The following CCDC88A variants were observed in gnomAD, a reference collection of about 807,000 sequenced individuals.
CCDC88A encodes the protein coiled-coil and HOOK domain protein 88A.
Under a neutral mutation model 234.3 loss-of-function variants are expected in CCDC88A, and 54 were observed. The ratio of observed to expected loss-of-function variants is 0.23; its 90% CI spans 0.19 to 0.29. The LOEUF is 0.29. Among genes scored for constraint, CCDC88A ranks in the 10% least tolerant of loss-of-function variants. The pLI is 1.00. For synonymous variants in CCDC88A, 753 were observed against 737.8 expected, an observed-to-expected ratio of 1.02 and a Z score of -0.33; for missense variants, 1,832 against 2,123.4, an observed-to-expected ratio of 0.86 and a Z score of 2.70.
At chr2:55,386,632 T>C (rs956862823) in intron 3 of CCDC88A, among the ~76,000 whole-genome samples, 7 of 151,580 alleles carry the variant, frequency 4.6e-5, no homozygotes, top group Admixed American at 4.6e-4. Flanking sequence ...CCACCAAGGC[T>C]GGCTAATTTT....
intron 29 of CCDC88A, among the ~76,000 whole-genome samples, chr2:55,298,501 G>A (rs1680469009): frequency 6.6e-6 from 1 of 152,046 alleles, no homozygotes; most frequent in African/African-American, 2.4e-5. Flanking sequence ...AGCATTAATT[G>A]ATAAAATAAA....
intron 3 of CCDC88A, among the ~76,000 whole-genome samples, chr2:55,377,734 T>C (rs1008998516): frequency 2.7e-4 from 41 of 152,140 alleles, no homozygotes; most frequent in African/African-American, 9.2e-4. Flanking sequence ...TTAGGCCTCC[T>C]GAGTAACTGG....
rs1377223248 is a variant in CCDC88A, at chr2:55,304,159, T to C, written c.4388-1007A>G. 2.0e-5 allele frequency among the ~76,000 whole-genome samples: 3 copies of C among 149,766 alleles called. 1 individual carries two copies. Among genetic ancestry groups the C allele is most frequent in the South Asian group, 4.2e-4 (2 of 4,780 alleles). On this transcript the variant is annotated intron_variant, in intron 25 of 32. Coordinates refer to ENST00000436346, the MANE Select transcript of CCDC88A (RefSeq NM_001365480.1). The stretch of plus-strand genomic sequence containing the variant: ...ACCCATCCCTACAAAAAATTAGCCA[T>C]GTGTGGTGAGCACCTGTAGTCCTAG...
intron 21 of CCDC88A, among the ~76,000 whole-genome samples, chr2:55,316,727 C>A (rs1683027236): frequency 1.3e-5 from 2 of 151,974 alleles, no homozygotes; most frequent in East Asian, 3.9e-4. Flanking sequence ...AGAGTAAGAT[C>A]CTATCTCTCT....
chr2:55,396,269 A>G (rs2104923434), intron 2 of CCDC88A, among the ~76,000 whole-genome samples: 1 of 152,350 alleles, frequency 6.6e-6, no homozygotes, highest in Admixed American at 6.5e-5. Flanking sequence ...GTATATTTAC[A>G]GTTACATAAA....
chr2:55,362,599 T>C (rs1219219968), intron 6 of CCDC88A, 151 bp from the exon 7 acceptor site: 2 of 539,068 alleles, frequency 3.7e-6, no homozygotes, highest in African/African-American at 2.0e-5. Context: ...TTTGAAATGA[T>C]AAAAACACTA....
At chr2:55,295,568 A>G in intron 31 of CCDC88A, 29 bp downstream of exon 31, 1 of 1,614,138 alleles carries the variant, frequency 6.2e-7, no homozygotes, top group Non-Finnish European at 8.5e-7. Flanking sequence ...CAAGTATATG[A>G]GAGGACCACT....
rs528048206 is a variant in CCDC88A, at chr2:55,335,211, A to G, written c.1657-47T>C. On this transcript the variant is annotated intron_variant, in intron 14 of 32. Coordinates refer to ENST00000436346, the MANE Select transcript of CCDC88A (RefSeq NM_001365480.1). The surrounding 1 kb of genome is among the most constrained non-coding windows in gnomAD (Gnocchi z 4.5). ...TAAAAGCTGTAATTGAGGAAAAACT[A>G]ACTATGGTTTATCTCTTCCAAAAAC... is the stretch of plus-strand genomic sequence containing the variant. 5 of 1,228,704 alleles carry G rather than the reference A, an allele frequency of 4.1e-6. No homozygotes were observed. Among genetic ancestry groups the G allele is most frequent in the Non-Finnish European group, 5.5e-6 (5 of 905,962 alleles). The allele number at this position is 1,228,704 out of a possible 1,614,324, so 76.1% of individuals were successfully genotyped here. A position where few individuals can be genotyped will look rare whatever the true frequency, so the allele number is the denominator to read the frequency against.
At chr2:55,340,190 G>A (rs1574179640) in intron 12 of CCDC88A, 1 of 152,278 alleles carries the variant, frequency 6.6e-6, no homozygotes, top group East Asian at 1.9e-4. Flanking sequence ...TTAGATTGAA[G>A]AAATTGGAGT....
chr2:55,322,168 A>G (rs1442451978), intron 18 of CCDC88A, among the ~76,000 whole-genome samples: 1 of 152,222 alleles, frequency 6.6e-6, no homozygotes, highest in Non-Finnish European at 1.5e-5. Flanking sequence ...TCATAAATGA[A>G]TACAAAATTT....
At position 55,372,460 on chromosome 2, in the gene CCDC88A, C is replaced by T. The variant is rs1049259463; in HGVS notation, c.394G>A (p.Ala132Thr). ...AAAATATTTTAACTTACCTGAACTG[C>T]ACAACCCAATAAAAGTAAAAGCAGT... Reference protein sequence around the residue: ...KKLLLLLLGCAVQCQKKEEFI... With the variant: ...KKLLLLLLGCTVQCQKKEEFI... Residue 132 changes from alanine (A) to threonine (T), a missense_variant, in exon 5 of 33, where the codon GCA (alanine) becomes ACA (threonine). Ala to Thr is a moderately conservative substitution (Grantham distance 58, BLOSUM62 0). This residue lies in a region of CCDC88A where 3 missense variants were observed against 18.8 expected (regional missense o/e 0.16). Transcript: ENST00000436346. 3.3e-6 allele frequency: 5 copies of T among 1,509,482 alleles called. No homozygotes were observed. The highest frequency in any genetic ancestry group is 4.6e-6 in the Non-Finnish European group (5 of 1,092,292). The allele number at this position is 1,509,482 out of a possible 1,614,324, so 93.5% of individuals were successfully genotyped here.
At position 55,309,020 on chromosome 2, in the gene CCDC88A, T is replaced by C; in HGVS notation, c.4176A>G (p.Arg1392=). The change falls in exon 25 of 33, where the codon AGA becomes AGG. Residue 1392 remains arginine, a synonymous_variant. Transcript: ENST00000436346. The surrounding 1 kb of genome is among the most constrained non-coding windows in gnomAD (Gnocchi z 5.1). ...KFYDPSPPRR[R]GNWITLKMRK... ...TCATTTTTAGAGTAATCCAGTTGCC[T>C]CTCCTAACAGAATTTTAAAAATTGT... 1.2e-6 allele frequency: 2 copies of C among 1,608,056 alleles called. No individual in the cohort carries two copies. Among genetic ancestry groups the C allele is most frequent in the East Asian group, 2.2e-5 (1 of 44,840 alleles).
At chr2:55,323,707 C>G (rs1574105209) in intron 17 of CCDC88A, 1 of 151,748 alleles carries the variant, frequency 6.6e-6, no homozygotes, top group East Asian at 1.9e-4. Context: ...AAACTCGAAT[C>G]CTTTCATTTT....
chr2:55,391,453 A>G lies in CCDC88A; in HGVS notation c.165-2567T>C, dbSNP rs147915907. Among the ~76,000 whole-genome samples, 454 of 152,340 alleles carry G rather than the reference A, an allele frequency of 3.0e-3. 3 individuals are homozygous for G. Among genetic ancestry groups the G allele is most frequent in the African/African-American group, 9.2e-3 (382 of 41,582 alleles). Reference sequence around the variant, plus strand: ...GATCTATAACCAGGAAAGAAAATGGAAACAGTCAACAGAAACAGACCCAGA... The same window carrying G: ...GATCTATAACCAGGAAAGAAAATGGGAACAGTCAACAGAAACAGACCCAGA... On this transcript the variant is annotated intron_variant, in intron 2 of 32. Transcript: ENST00000436346.
At chr2:55,358,295 C>T (rs1670851147) in intron 7 of CCDC88A, among the ~76,000 whole-genome samples, 1 of 152,024 alleles carries the variant, frequency 6.6e-6, no homozygotes, top group African/African-American at 2.4e-5. Flanking sequence ...CCAAAGTCAC[C>T]CAACCAATGA....
chr2:55,376,318 G>C (rs1002339825), intron 3 of CCDC88A, among the ~76,000 whole-genome samples: 10 of 152,162 alleles, frequency 6.6e-5, no homozygotes, highest in Admixed American at 6.6e-4. Context: ...GATATAACTA[G>C]TTGCTGAGGA....
chr2:55,336,095 A>G (rs1262673063), intron 14 of CCDC88A, among the ~76,000 whole-genome samples: 1 of 152,112 alleles, frequency 6.6e-6, no homozygotes, highest in Non-Finnish European at 1.5e-5. Flanking sequence ...AGTCCCAGCT[A>G]AGGTGAAAGG....
intron 27 of CCDC88A, chr2:55,301,597 T>C (rs1294697417): frequency 3.8e-6 from 2 of 523,286 alleles, no homozygotes; most frequent in African/African-American, 1.9e-5. Flanking sequence ...AAAACTAGCA[T>C]TGCCTTCTTT....
chr2:55,416,256 A>G (rs1389087993), intron 2 of CCDC88A, among the ~76,000 whole-genome samples: 1 of 151,380 alleles, frequency 6.6e-6, no homozygotes, highest in Non-Finnish European at 1.5e-5. Context: ...TTAAGAGCAG[A>G]CTAAACATTA....
Sources: allele counts gnomAD v4.1 joint callset (sites outside exome capture counted in the v4.1 genomes callset), GRCh38; gene constraint gnomAD v4.1.1; regional missense constraint gnomAD v4.1.1; non-coding constraint Gnocchi (gnomAD v3.1); transcripts MANE v1.5; gene names NCBI Gene and HGNC (gene_info 2026-07-23, HGNC 2026-07-21).